The following GLI3 variants were observed in gnomAD, a reference collection of about 807,000 sequenced individuals.
The protein encoded by GLI3 is transcription activator GLI3.
A neutral mutation model predicts 100.8 loss-of-function variants in GLI3; 20 were observed. The ratio of observed to expected loss-of-function variants is 0.20; its 90% CI spans 0.14 to 0.29. GLI3 has a LOEUF of 0.29. Ranked by LOEUF, GLI3 falls within the 10% of genes least tolerant of loss-of-function variation. The pLI is 1.00. For synonymous variants in GLI3, 938 were observed against 860.5 expected (o/e 1.09, Z -1.58); for missense variants, 2,040 against 2,128.5 (o/e 0.96, Z 0.82).
chr7:42,117,930 AC>A (rs1430697296), intron 3 of GLI3, among the ~76,000 whole-genome samples: 2 of 152,194 alleles, frequency 1.3e-5, no homozygotes, highest in African/African-American at 4.8e-5. Flanking sequence ...GAAGGACGGC[AC>A]CATAGTTAAT....
intron 2 of GLI3, among the ~76,000 whole-genome samples, chr7:42,201,809 C>T (rs760875073): frequency 3.9e-5 from 6 of 152,080 alleles, no homozygotes; most frequent in Non-Finnish European, 7.4e-5. Flanking sequence ...ATTGGCCGGG[C>T]GCCATGGCTC....
At chr7:42,001,980 A>G (rs1333553921) in intron 10 of GLI3, among the ~76,000 whole-genome samples, 1 of 152,182 alleles carries the variant, frequency 6.6e-6, no homozygotes, top group Non-Finnish European at 1.5e-5. Flanking sequence ...TTAAATGTAT[A>G]AGCAAAAACA....
rs141505504 is a variant in GLI3, at chr7:42,085,241, T to C, written c.368-8384A>G. 3.3e-4 allele frequency among the ~76,000 whole-genome samples: 50 copies of C among 152,296 alleles called. No homozygotes were observed. The East Asian group carries it at 8.9e-3, about 27-fold the overall frequency. ...AGTCAATAGGATCAGAAGTTTAAAC[T>C]AAGCCTGGTTTAGTTAGGAAACCAA... On this transcript the variant is annotated intron_variant, in intron 3 of 14. Transcript: ENST00000395925.
chr7:42,236,830 T>C (rs1262064562), intron 1 of GLI3, 141 bp downstream of exon 1: 1 of 152,266 alleles, frequency 6.6e-6, no homozygotes, highest in African/African-American at 2.4e-5. Context: ...GGCGGCTCTC[T>C]AAATCTGGGC....
In GLI3 at chr7:42,037,756, A is replaced by C. The variant is rs1321328232; in HGVS notation, c.1028+2282T>G. On this transcript the variant is annotated intron_variant, in intron 7 of 14. Coordinates refer to ENST00000395925, the MANE Select transcript of GLI3 (RefSeq NM_000168.6). ...TCTTCTTCCATCTCTAATGATATAA[A>C]GAGTTGTGGTATAGCTCCTTGGAGA... Among the ~76,000 whole-genome samples the C allele has an allele frequency of 4.6e-5, 7 of 152,292 alleles. No individual in the cohort carries two copies. The South Asian group carries it at 1.5e-3, about 32-fold the overall frequency.
intron 10 of GLI3, among the ~76,000 whole-genome samples, chr7:41,989,898 G>A (rs1435285474): frequency 2.7e-5 from 4 of 145,606 alleles, no homozygotes; most frequent in Non-Finnish European, 4.5e-5. Context: ...ATTAGCACAC[G>A]CCTGTAGTCC....
At chr7:41,976,752 T>C (rs1052114676) in intron 12 of GLI3, among the ~76,000 whole-genome samples, 1 of 152,152 alleles carries the variant, frequency 6.6e-6, no homozygotes, top group Non-Finnish European at 1.5e-5. Context: ...CTTTTGTTAA[T>C]CTCTCAATAC....
In GLI3 at chr7:42,170,624, G is replaced by A. The variant is rs139090354; in HGVS notation, c.125-22156C>T. Among the ~76,000 whole-genome samples the A allele has an allele frequency of 2.0e-3, 303 of 151,964 alleles. 5 individuals carry two copies. In the East Asian group the frequency reaches 0.029, roughly 15 times the overall value. On this transcript the variant is annotated intron_variant, in intron 2 of 14. Coordinates refer to ENST00000395925, the MANE Select transcript of GLI3 (RefSeq NM_000168.6). ...TCACCATGTTAGCCAGGATGGTCTC[G>A]ACCTCCTGACCTCGTGATCCACCCG...
At chr7:42,106,004 T>C (rs1785566232) in intron 3 of GLI3, among the ~76,000 whole-genome samples, 1 of 152,168 alleles carries the variant, frequency 6.6e-6, no homozygotes, top group South Asian at 2.1e-4. Flanking sequence ...CCCTAAAGGT[T>C]TCTCTCATCC....
At position 42,182,660 on chromosome 7, in the gene GLI3, A is replaced by ATATATATACATGTG. The variant is rs1554337054; in HGVS notation, c.125-34193_125-34192insCACATGTATATATA. On this transcript the variant is annotated intron_variant, in intron 2 of 14. Transcript: ENST00000395925. The stretch of plus-strand genomic sequence containing the variant: ...TATGTGTGTGTATATATATATATAT[A>ATATATATACATGTG]TATATATATATATATATATATACAC... Among the ~76,000 whole-genome samples the ATATATATACATGTG allele has an allele frequency of 6.6e-4, 39 of 59,106 alleles. 2 individuals carry two copies. The highest frequency in any genetic ancestry group is 2.0e-3 in the African/African-American group (21 of 10,306). 38.8% of individuals were successfully genotyped at this position (59,106 alleles called of 152,430 possible). A position where few individuals can be genotyped will look rare whatever the true frequency, so the allele number is the denominator to read the frequency against.
chr7:42,236,406 G>A (rs560614747), intron 1 of GLI3, among the ~76,000 whole-genome samples: 2 of 152,270 alleles, frequency 1.3e-5, no homozygotes, highest in African/African-American at 2.4e-5. Context: ...CCTCTATGAC[G>A]ACGAAGGCGC....
At chr7:42,192,621 A>G (rs1490591066) in intron 2 of GLI3, among the ~76,000 whole-genome samples, 1 of 152,240 alleles carries the variant, frequency 6.6e-6, no homozygotes, top group East Asian at 1.9e-4. Flanking sequence ...GGGGCGCTGG[A>G]AAGAGGATGA....
At chr7:42,257,901 C>T (rs1231484539) in intron 1 of GLI3, among the ~76,000 whole-genome samples, 1 of 152,032 alleles carries the variant, frequency 6.6e-6, no homozygotes, top group Non-Finnish European at 1.5e-5. Context: ...AGATAAAAGC[C>T]ACTTGGTCAT....
intron 7 of GLI3, among the ~76,000 whole-genome samples, chr7:42,038,915 A>C (rs1439380737): frequency 6.6e-6 from 1 of 152,204 alleles, no homozygotes; most frequent in African/African-American, 2.4e-5. Context: ...AAGACCTATC[A>C]ATGAACAACT....
chr7:42,107,888 C>T (rs1287445663), intron 3 of GLI3, among the ~76,000 whole-genome samples: 2 of 152,256 alleles, frequency 1.3e-5, no homozygotes, highest in Admixed American at 6.5e-5. Context: ...CCAACCTTGC[C>T]GGTGGCGTGC....
At chr7:42,256,639 AT>A (rs1350770595) in intron 1 of GLI3, among the ~76,000 whole-genome samples, 1 of 152,204 alleles carries the variant, frequency 6.6e-6, no homozygotes, top group African/African-American at 2.4e-5. Context: ...CCATTCATCC[AT>A]ATGCCTATCC....
chr7:42,194,191 T>G (rs1787881361), intron 2 of GLI3, among the ~76,000 whole-genome samples: 1 of 152,230 alleles, frequency 6.6e-6, no homozygotes, highest in South Asian at 2.1e-4. Context: ...TTTGTCCCAG[T>G]ATTGATCAAC....
chr7:42,058,873 A>G (rs1437541252), intron 4 of GLI3, among the ~76,000 whole-genome samples: 1 of 152,256 alleles, frequency 6.6e-6, no homozygotes, highest in African/African-American at 2.4e-5. Context: ...TACTGTAAAT[A>G]TAACTCATTA....
chr7:42,173,086 G>A (rs576382780), intron 2 of GLI3, among the ~76,000 whole-genome samples: 3 of 152,254 alleles, frequency 2.0e-5, no homozygotes, highest in East Asian at 1.9e-4. Flanking sequence ...TCACAACGAC[G>A]GGTATATTTT....
Sources: allele counts gnomAD v4.1 joint callset (sites outside exome capture counted in the v4.1 genomes callset), GRCh38; gene constraint gnomAD v4.1.1; transcripts MANE v1.5; gene names NCBI Gene and HGNC (gene_info 2026-07-23, HGNC 2026-07-21).